Variants in ATG101 observed in about 807,000 individuals in gnomAD.
ATG101 encodes the protein autophagy-related protein 101.
ATG101 carries 6 observed loss-of-function variants against 16.7 expected under a neutral mutation model. The observed-to-expected ratio is 0.36, with a 90% confidence interval of 0.20 to 0.71. ATG101 has a LOEUF of 0.71. Ranked by LOEUF, ATG101 falls within the 30% of genes least tolerant of loss-of-function variation. ATG101 has a pLI of 0.57. For synonymous variants in ATG101, 108 were observed against 118.1 expected (o/e 0.91, Z 0.56); for missense variants, 200 against 292.5 (o/e 0.68, Z 2.31).
intron 3 of ATG101, among the ~76,000 whole-genome samples, chr12:52,076,296 G>A (rs879540294): frequency 6.6e-6 from 1 of 152,076 alleles, no homozygotes; most frequent in African/African-American, 2.4e-5. Context: ...GGAAGGAGGA[G>A]GCCCTTGATG....
chr12:52,070,031 G>C lies in ATG101; in HGVS notation c.-418G>C, dbSNP rs1301637074. 1 of 152,454 alleles carries C rather than the reference G, an allele frequency of 6.6e-6. No homozygotes were observed. The highest frequency in any genetic ancestry group is 6.5e-5 in the Admixed American group (1 of 15,290). The allele number at this position is 152,454 out of a possible 1,614,324, so 9.4% of individuals were successfully genotyped here. On this transcript the variant is annotated 5_prime_UTR_variant, in exon 1 of 4. Coordinates refer to ENST00000336854, the MANE Select transcript of ATG101 (RefSeq NM_021934.5). ...TGGTCTGGAGCCTGCCGGGAGAGTG[G>C]TGGCATCTGAGAGGCTGGTCGTGGA... is the stretch of plus-strand genomic sequence containing the variant.
chr12:52,073,147 A>G (rs922674018), intron 2 of ATG101, among the ~76,000 whole-genome samples: 1 of 152,202 alleles, frequency 6.6e-6, no homozygotes, highest in Admixed American at 6.5e-5. Context: ...ACAGAGTCCA[A>G]ATGCCTTAAC....
upstream of ATG101, chr12:52,069,298 C>G (rs1482409484): frequency 6.6e-6 from 1 of 152,214 alleles, no homozygotes; most frequent in East Asian, 1.9e-4. Context: ...TACTAGCCTC[C>G]GAAGGACTGT....
chr12:52,073,714 C>T lies in ATG101; in HGVS notation c.64C>T (p.Leu22=). Residue 22 remains leucine (L), a synonymous_variant, in exon 3 of 4, where the codon CTG becomes TTG. Coordinates refer to ENST00000336854, the MANE Select transcript of ATG101 (RefSeq NM_021934.5). ...GGGGCGGCAGGTGGAGGAGGCCATG[C>T]TGGCTGTGCTGCACACGGTGCTTCT... The part of the protein sequence containing the change: ...VEGRQVEEAM[L]AVLHTVLLHR... 1 of 1,614,146 alleles carries T rather than the reference C, an allele frequency of 6.2e-7. No homozygotes were observed. Among genetic ancestry groups the T allele is most frequent in the Admixed American group, 1.7e-5 (1 of 60,024 alleles).
rs1429938911 is a variant in ATG101, at chr12:52,070,234, A to C, written c.-215A>C. On this transcript the variant is annotated 5_prime_UTR_variant, in exon 1 of 4. Transcript: ENST00000336854. ...AGTCCGTTCCTCCCTGGTTACGTGG[A>C]CTGTGGAGGTTCGCGCGTAGTGGCG... 1 of 151,684 alleles carries C rather than the reference A, an allele frequency of 6.6e-6. No homozygotes were observed. Among genetic ancestry groups the C allele is most frequent in the African/African-American group, 2.4e-5 (1 of 41,184 alleles). 9.4% of individuals were successfully genotyped at this position (151,684 alleles called of 1,614,324 possible). A position where few individuals can be genotyped will look rare whatever the true frequency, so the allele number is the denominator to read the frequency against.
chr12:52,072,743 CT>C (rs11345340), intron 2 of ATG101, among the ~76,000 whole-genome samples: 32,974 of 148,160 alleles, frequency 0.22, 4,345 homozygotes, highest in East Asian at 0.46. Flanking sequence ...AGGTACTTGT[CT>C]TTTTTTTTTT....
intron 3 of ATG101, among the ~76,000 whole-genome samples, chr12:52,075,874 T>C (rs572951174): frequency 6.6e-6 from 1 of 152,146 alleles, no homozygotes; most frequent in African/African-American, 2.4e-5. Flanking sequence ...TAAAAGAGAC[T>C]GTGAACTGGG....
chr12:52,071,799 C>A (rs985686527), intron 2 of ATG101, among the ~76,000 whole-genome samples: 1 of 151,878 alleles, frequency 6.6e-6, no homozygotes, highest in African/African-American at 2.4e-5. Flanking sequence ...GGAGTGAGAC[C>A]CCATTTCATA....
At chr12:52,073,483 T>C (rs1440729320) in intron 2 of ATG101, 92 bp from the exon 3 acceptor site, 6 of 821,184 alleles carry the variant, frequency 7.3e-6, no homozygotes, top group Non-Finnish European at 1.1e-5. Context: ...GAAGGGCCAG[T>C]GGAGGCAGAG....
intron 3 of ATG101, 85 bp downstream of exon 3, chr12:52,073,987 GT>G: frequency 6.5e-7 from 1 of 1,545,474 alleles, no homozygotes; most frequent in South Asian, 1.2e-5. Context: ...CCAGCTTGGT[GT>G]TGAACCAGCC....
chr12:52,072,803 C>T (rs572298904), intron 2 of ATG101, among the ~76,000 whole-genome samples: 9 of 151,518 alleles, frequency 5.9e-5, no homozygotes, highest in South Asian at 2.1e-4. Context: ...GACAGGGTCT[C>T]GCTTTGTCAC....
chr12:52,067,139 G>A (rs894690414), upstream of ATG101, among the ~76,000 whole-genome samples: 10 of 152,230 alleles, frequency 6.6e-5, no homozygotes, highest in African/African-American at 1.9e-4. Flanking sequence ...AGGCCAGCCT[G>A]AGGAGGAGCT....
At chr12:52,067,801 G>A (rs1939562884), upstream of ATG101, among the ~76,000 whole-genome samples, 1 of 148,296 alleles carries the variant, frequency 6.7e-6, no homozygotes, top group Non-Finnish European at 1.5e-5. Context: ...TCACCATGTT[G>A]GTTAGGCTGG....
At chr12:52,074,098 TG>T (rs1413829259) in intron 3 of ATG101, among the ~76,000 whole-genome samples, 196 bp downstream of exon 3, 1 of 151,740 alleles carries the variant, frequency 6.6e-6, no homozygotes, top group Non-Finnish European at 1.5e-5. Flanking sequence ...CGTGTGTGTG[TG>T]GTGGGGGAGG....
At chr12:52,075,578 G>A (rs574083078) in intron 3 of ATG101, among the ~76,000 whole-genome samples, 1 of 152,210 alleles carries the variant, frequency 6.6e-6, no homozygotes, top group Non-Finnish European at 1.5e-5. Context: ...GATGAGTGTG[G>A]TTCAGGATTT....
chr12:52,071,138 G>A (rs1387426575), intron 2 of ATG101: 1 of 151,906 alleles, frequency 6.6e-6, no homozygotes, highest in East Asian at 1.9e-4. Flanking sequence ...GATAGTACAG[G>A]TAGACGCGAG....
At chr12:52,070,292 T>C (rs1296472429) in intron 1 of ATG101, 50 bp downstream of exon 1, 1 of 152,338 alleles carries the variant, frequency 6.6e-6, no homozygotes, top group Admixed American at 6.5e-5. Flanking sequence ...GGGAATTCCT[T>C]CCTGCGTCCG....
intron 3 of ATG101, among the ~76,000 whole-genome samples, chr12:52,076,477 G>C (rs149886152): frequency 5.1e-4 from 78 of 152,306 alleles, no homozygotes; most frequent in African/African-American, 1.9e-3. Flanking sequence ...GATTGTGTGT[G>C]TTAAGTTCCT....
At position 52,077,468 on chromosome 12, in the gene ATG101, T is replaced by TA; in HGVS notation, c.*281dup. 2.3e-6 allele frequency: 1 copy of TA among 436,772 alleles called. No individual in the cohort carries two copies. The highest frequency in any genetic ancestry group is 4.1e-6 in the Non-Finnish European group (1 of 243,374). The allele number at this position is 436,772 out of a possible 1,614,324, so 27.1% of individuals were successfully genotyped here. A position where few individuals can be genotyped will look rare whatever the true frequency, so the allele number is the denominator to read the frequency against. On this transcript the variant is annotated 3_prime_UTR_variant, in exon 4 of 4. Transcript: ENST00000336854. Reference sequence around the variant, plus strand: ...GAAGAGCCACCACTGGGATGGGGAATAAAGTTGAGAACATGAGTTTGGGCT... The same window carrying TA: ...GAAGAGCCACCACTGGGATGGGGAATAAAAGTTGAGAACATGAGTTTGGGCT...
Sources: allele counts gnomAD v4.1 joint callset (sites outside exome capture counted in the v4.1 genomes callset), GRCh38; gene constraint gnomAD v4.1.1; transcripts MANE v1.5; gene names NCBI Gene and HGNC (gene_info 2026-07-23, HGNC 2026-07-21).